Variants in ZMAT3 observed in about 807,000 individuals in gnomAD.
ZMAT3 encodes the protein zinc finger matrin-type 3, also known as zinc finger matrin-type protein 3.
In ZMAT3, 17 loss-of-function variants were observed where a neutral mutation model predicts 32.3. That is an observed-to-expected ratio of 0.53 (90% CI 0.36 to 0.79). ZMAT3 has a LOEUF of 0.79. ZMAT3 is among the 30% of genes least tolerant of loss of function. ZMAT3 has a pLI of 0.00. For synonymous variants in ZMAT3, 120 were observed against 133.1 expected, an observed-to-expected ratio of 0.90 and a Z score of 0.68; for missense variants, 329 against 359.7, an observed-to-expected ratio of 0.91 and a Z score of 0.69.
chr3:179,025,045 T>C lies in ZMAT3; in HGVS notation c.842A>G (p.Asn281Ser). 4 of 1,614,246 alleles carry C rather than the reference T, an allele frequency of 2.5e-6. No homozygotes were observed. The highest frequency in any genetic ancestry group is 3.4e-6 in the Non-Finnish European group (4 of 1,180,042). ...KSKVSEQRYR[N>S]EMENLGYV Reference sequence around the variant, plus strand: ...TACATATCCCAGATTCTCCATCTCATTCCTGTACCGCTGTTCAGACACCTT... The same window carrying C: ...TACATATCCCAGATTCTCCATCTCACTCCTGTACCGCTGTTCAGACACCTT... Residue 281 changes from asparagine (N) to serine (S), a missense_variant, in exon 6 of 6, where the codon AAT (asparagine) becomes AGT (serine). Physicochemically the swap from Asn to Ser is conservative, Grantham distance 46. Transcript: ENST00000311417.
Position 179,038,890 on chromosome 3 carries a change from G to A in ZMAT3, c.271-7891C>T, listed in dbSNP as rs555231128. Among the ~76,000 whole-genome samples the A allele has an allele frequency of 1.4e-3, 214 of 152,348 alleles. 1 individual carries two copies. The highest frequency in any genetic ancestry group is 4.7e-3 in the African/African-American group (194 of 41,578). On this transcript the variant is annotated intron_variant, in intron 2 of 5. Coordinates refer to ENST00000311417, the MANE Select transcript of ZMAT3 (RefSeq NM_022470.4). ...CGCTTTTCCCAAGGTCTTAGCAACC[G>A]GAAAACAAGGAGATACTCTCCCGTG... is the stretch of plus-strand genomic sequence containing the variant.
rs1392182016 is a variant in ZMAT3 at position 179,027,506 on chromosome 3, C to CT, written c.574_575insA (p.Gly192GlufsTer11). Reference sequence around the variant, plus strand: ...CCCTTCTTTCCTGGCCCGCCGTTGACCCAGCTCTGAGGATTCCCTGGAGAA... The same window carrying CT: ...CCCTTCTTTCCTGGCCCGCCGTTGACTCCAGCTCTGAGGATTCCCTGGAGAA... On this transcript the variant is annotated frameshift_variant, in exon 5 of 6. Transcript: ENST00000311417. LOFTEE classifies it high-confidence loss of function. 1 of 1,614,226 alleles carries CT rather than the reference C, an allele frequency of 6.2e-7. No individual in the cohort carries two copies.
intron 2 of ZMAT3, among the ~76,000 whole-genome samples, chr3:179,049,824 C>G (rs1168571313): frequency 1.3e-5 from 2 of 151,744 alleles, no homozygotes; most frequent in Non-Finnish European, 2.9e-5. Flanking sequence ...AACCACGTCT[C>G]TACTAAAAAT....
intron 2 of ZMAT3, among the ~76,000 whole-genome samples, chr3:179,049,991 C>CAAA (rs34239014): frequency 0.35 from 2,823 of 8,126 alleles, 1,192 homozygotes; most frequent in Non-Finnish European, 0.43. Context: ...GACTCCGTCT[C>CAAA]AAAAAAAAAA....
intron 2 of ZMAT3, among the ~76,000 whole-genome samples, chr3:179,062,640 C>T (rs1013849080): frequency 6.6e-6 from 1 of 152,100 alleles, no homozygotes; most frequent in Admixed American, 6.6e-5. Flanking sequence ...ACAAGAAAAC[C>T]AACAAGGATT....
chr3:179,066,974 T>C (rs1382058060), intron 2 of ZMAT3, among the ~76,000 whole-genome samples: 1 of 152,262 alleles, frequency 6.6e-6, no homozygotes, highest in Non-Finnish European at 1.5e-5. Context: ...TGTGTTTTCC[T>C]TACCAGTGAT....
At position 179,018,586 on chromosome 3, in the gene ZMAT3, A is replaced by G. The variant is rs1232050274; in HGVS notation, c.*6431T>C. On this transcript the variant is annotated 3_prime_UTR_variant, in exon 6 of 6. Coordinates refer to ENST00000311417, the MANE Select transcript of ZMAT3 (RefSeq NM_022470.4). ...TCTGGAACATTTCAATTCTGATTCA[A>G]TTCTACCCATTGAATCTTCATGACC... 3 of 152,174 alleles carry G rather than the reference A, an allele frequency of 2.0e-5. No homozygotes were observed. The highest frequency in any genetic ancestry group is 6.5e-5 in the Admixed American group (1 of 15,270). The allele number at this position is 152,174 out of a possible 1,614,324, so 9.4% of individuals were successfully genotyped here. A position where few individuals can be genotyped will look rare whatever the true frequency, so the allele number is the denominator to read the frequency against.
At position 179,018,702 on chromosome 3, in the gene ZMAT3, A is replaced by C. The variant is rs941967927; in HGVS notation, c.*6315T>G. 4.6e-5 allele frequency: 7 copies of C among 152,108 alleles called. No homozygotes were observed. Among genetic ancestry groups the C allele is most frequent in the African/African-American group, 1.7e-4 (7 of 41,424 alleles). The allele number at this position is 152,108 out of a possible 1,614,324, so 9.4% of individuals were successfully genotyped here. ...AAAAATAAAGGCATATGTAAAAATA[A>C]TTTTTTCTAAACATGACTACAATAA... On this transcript the variant is annotated 3_prime_UTR_variant, in exon 6 of 6. Transcript: ENST00000311417.
chr3:179,043,431 C>A (rs987186102), intron 2 of ZMAT3, among the ~76,000 whole-genome samples: 12 of 152,146 alleles, frequency 7.9e-5, no homozygotes, highest in African/African-American at 2.7e-4. Context: ...CATCTACAAC[C>A]ATCTGATCTT....
intron 2 of ZMAT3, among the ~76,000 whole-genome samples, chr3:179,039,112 C>G: frequency 6.6e-6 from 1 of 152,252 alleles, no homozygotes; most frequent in East Asian, 1.9e-4. Context: ...TGCCTCCAGA[C>G]TCCACCTCAG....
At chr3:179,065,666 C>G (rs970086894) in intron 2 of ZMAT3, among the ~76,000 whole-genome samples, 1 of 152,132 alleles carries the variant, frequency 6.6e-6, no homozygotes, top group Non-Finnish European at 1.5e-5. Flanking sequence ...AGGCTGGGTG[C>G]GGTAGGTCAC....
chr3:179,046,297 G>GTA lies in ZMAT3; in HGVS notation c.271-15300_271-15299dup, dbSNP rs1466100971. ...TATTTCCAAAGCAGCATCCCCAGTA[G>GTA]TATTCAAGCAGATATTGCATCCACA... is the stretch of plus-strand genomic sequence containing the variant. On this transcript the variant is annotated intron_variant, in intron 2 of 5. Transcript: ENST00000311417. The surrounding 1 kb of genome is among the most constrained non-coding windows in gnomAD (Gnocchi z 4.3). Among the ~76,000 whole-genome samples, 1 of 152,154 alleles carries GTA rather than the reference G, an allele frequency of 6.6e-6. No homozygotes were observed. Among genetic ancestry groups the GTA allele is most frequent in the African/African-American group, 2.4e-5 (1 of 41,434 alleles).
Position 179,017,276 on chromosome 3 carries a change from T to C in ZMAT3, c.*7741A>G, listed in dbSNP as rs1718322814. 1 of 152,130 alleles carries C rather than the reference T, an allele frequency of 6.6e-6. No homozygotes were observed. Among genetic ancestry groups the C allele is most frequent in the Non-Finnish European group, 1.5e-5 (1 of 68,024 alleles). The allele number at this position is 152,130 out of a possible 1,614,324, so 9.4% of individuals were successfully genotyped here. A position where few individuals can be genotyped will look rare whatever the true frequency, so the allele number is the denominator to read the frequency against. On this transcript the variant is annotated 3_prime_UTR_variant, in exon 6 of 6. Coordinates refer to ENST00000311417, the MANE Select transcript of ZMAT3 (RefSeq NM_022470.4). ...ATTAAACTGGAACACAAAATGCGTGTTATAATAATGTCAAGCCTTTATCAG... is the reference window on the plus strand; with the variant it reads ...ATTAAACTGGAACACAAAATGCGTGCTATAATAATGTCAAGCCTTTATCAG...
chr3:179,067,792 G>C lies in ZMAT3; in HGVS notation c.-40C>G, dbSNP rs777850579. The C allele has an allele frequency of 2.5e-6, 4 of 1,597,714 alleles. No homozygotes were observed. The highest frequency in any genetic ancestry group is 2.2e-5 in the East Asian group (1 of 44,540). ...TGGGGCATAATCCAGTGGGTGATGA[G>C]AAGCAAGGTCTTCAAATCTGAATCA... is the stretch of plus-strand genomic sequence containing the variant. On this transcript the variant is annotated 5_prime_UTR_variant, in exon 2 of 6. Coordinates refer to ENST00000311417, the MANE Select transcript of ZMAT3 (RefSeq NM_022470.4).
At chr3:179,026,250 C>T (rs571159764) in intron 5 of ZMAT3, among the ~76,000 whole-genome samples, 41 of 152,162 alleles carry the variant, frequency 2.7e-4, no homozygotes, top group African/African-American at 9.9e-4. Context: ...ATTAATACAG[C>T]TATCCCAGCT....
intron 5 of ZMAT3, among the ~76,000 whole-genome samples, chr3:179,025,560 C>T (rs2108533602): frequency 6.6e-6 from 1 of 152,254 alleles, no homozygotes; most frequent in Middle Eastern, 3.4e-3. Flanking sequence ...CTTATGCTAA[C>T]CCTTTAATCC....
intron 2 of ZMAT3, among the ~76,000 whole-genome samples, chr3:179,034,034 T>C (rs543249928): frequency 6.6e-6 from 1 of 152,382 alleles, no homozygotes; most frequent in South Asian, 2.1e-4. Flanking sequence ...CATGATTATA[T>C]TCCTTGAACT....
At chr3:179,053,082 T>C (rs1576866513) in intron 2 of ZMAT3, among the ~76,000 whole-genome samples, 1 of 151,970 alleles carries the variant, frequency 6.6e-6, no homozygotes, top group African/African-American at 2.4e-5. Flanking sequence ...GAGCGGAGAT[T>C]GTGCCACTGC....
At chr3:179,067,356 T>G in intron 2 of ZMAT3, 127 bp downstream of exon 2, 1 of 991,744 alleles carries the variant, frequency 1.0e-6, no homozygotes, top group South Asian at 1.6e-5. Context: ...AACAAATTCA[T>G]AGTTAGTTGT....
Sources: gnomAD v4.1 joint callset for allele counts (sites outside exome capture counted in the v4.1 genomes callset) on GRCh38, gnomAD v4.1.1 for gene constraint, Gnocchi (gnomAD v3.1) non-coding constraint, MANE v1.5 for transcripts, NCBI Gene and HGNC (gene_info 2026-07-23, HGNC 2026-07-21) for gene names.